PPARG: variants seen among roughly 807,000 people sequenced by gnomAD.
PPARG encodes the protein peroxisome proliferator-activated receptor gamma.
A neutral mutation model predicts 39.2 loss-of-function variants in PPARG; 17 were observed. The observed-to-expected ratio is 0.43, with a 90% confidence interval of 0.30 to 0.65. The LOEUF is 0.65. Ranked by LOEUF, PPARG falls within the 30% of genes least tolerant of loss-of-function variation. The pLI, the probability that PPARG is intolerant of heterozygous loss-of-function variation, is 0.13. For missense variants in PPARG, 406 were observed against 585.9 expected (o/e 0.69, Z 3.17); for synonymous variants, 223 against 215.7 (o/e 1.03, Z -0.30).
chr3:12,402,017 A>G (rs142551967), intron 5 of PPARG, among the ~76,000 whole-genome samples: 26 of 152,326 alleles, frequency 1.7e-4, no homozygotes, highest in African/African-American at 5.8e-4. Flanking sequence ...GTAAGTGGCT[A>G]TCTTTGGCTG....
intron 5 of PPARG, among the ~76,000 whole-genome samples, chr3:12,393,490 G>A (rs1205617603): frequency 3.3e-5 from 5 of 152,002 alleles, no homozygotes; most frequent in Admixed American, 2.6e-4. Flanking sequence ...GAAGACAAAC[G>A]TGTTTGAAAA....
At chr3:12,429,738 A>T (rs1211624627) in intron 7 of PPARG, among the ~76,000 whole-genome samples, 2 of 152,074 alleles carry the variant, frequency 1.3e-5, no homozygotes, top group Non-Finnish European at 2.9e-5. Context: ...ACATTCATCA[A>T]GCAGGAGGAT....
At chr3:12,387,328 T>C (rs1204794423) in intron 4 of PPARG, among the ~76,000 whole-genome samples, 1 of 152,228 alleles carries the variant, frequency 6.6e-6, no homozygotes, top group Non-Finnish European at 1.5e-5. Context: ...TAATTTACAC[T>C]TCCACCAACA....
chr3:12,351,546 G>T, intron 2 of PPARG: 1 of 1,413,820 alleles, frequency 7.1e-7, no homozygotes, highest in Non-Finnish European at 1.0e-6. Flanking sequence ...GCTAGATAGA[G>T]ACAAAATATC....
At chr3:12,365,370 C>CT (rs993837804) in intron 2 of PPARG, among the ~76,000 whole-genome samples, 15 of 152,046 alleles carry the variant, frequency 9.9e-5, no homozygotes, top group East Asian at 3.8e-4. Context: ...ACAGAGCAGA[C>CT]TTTTTTTATT....
chr3:12,408,352 G>T (rs564963989), intron 6 of PPARG, among the ~76,000 whole-genome samples: 4 of 152,132 alleles, frequency 2.6e-5, no homozygotes, highest in Non-Finnish European at 5.9e-5. Context: ...ACATGCACAG[G>T]ACTGCACAAC....
At chr3:12,367,703 T>C (rs970475716) in intron 2 of PPARG, among the ~76,000 whole-genome samples, 1 of 147,824 alleles carries the variant, frequency 6.8e-6, no homozygotes, top group African/African-American at 2.5e-5. Context: ...AAAATAAAAA[T>C]AAAAAAATAA....
intron 1 of PPARG, among the ~76,000 whole-genome samples, chr3:12,308,478 A>G (rs2047139311): frequency 6.6e-6 from 1 of 152,082 alleles, no homozygotes; most frequent in African/African-American, 2.4e-5. Flanking sequence ...CTGGAGCCAC[A>G]TTGTTAAATT....
intron 2 of PPARG, among the ~76,000 whole-genome samples, chr3:12,344,066 G>A (rs937261556): frequency 6.6e-6 from 1 of 151,500 alleles, no homozygotes; most frequent in Non-Finnish European, 1.5e-5. Flanking sequence ...TCGCCATGTT[G>A]GCCAGGCTGG....
intron 5 of PPARG, among the ~76,000 whole-genome samples, chr3:12,398,723 G>T (rs1021061804): frequency 6.6e-6 from 1 of 152,178 alleles, no homozygotes; most frequent in Non-Finnish European, 1.5e-5. Context: ...GGCGGAGATG[G>T]TCACCAGAAT....
At chr3:12,375,859 T>C (rs893890181) in intron 2 of PPARG, among the ~76,000 whole-genome samples, 1 of 152,150 alleles carries the variant, frequency 6.6e-6, no homozygotes, top group East Asian at 1.9e-4. Context: ...TTTATGTAGA[T>C]AGACATGTGA....
chr3:12,372,529 T>C (rs951286168), intron 2 of PPARG, among the ~76,000 whole-genome samples: 2 of 152,230 alleles, frequency 1.3e-5, no homozygotes, highest in Non-Finnish European at 2.9e-5. Context: ...GGCGTAGTAC[T>C]TTGCACAGAT....
intron 4 of PPARG, among the ~76,000 whole-genome samples, chr3:12,387,565 G>A (rs543346764): frequency 1.7e-4 from 26 of 151,974 alleles, no homozygotes; most frequent in Non-Finnish European, 8.8e-5. Flanking sequence ...TTTTGATGGG[G>A]TTGTTTTTTT....
chr3:12,321,640 T>C (rs948354890), intron 2 of PPARG, among the ~76,000 whole-genome samples: 3 of 152,196 alleles, frequency 2.0e-5, no homozygotes, highest in Admixed American at 6.5e-5. Flanking sequence ...TCCATAGTTA[T>C]ATTTCATCCC....
intron 2 of PPARG, among the ~76,000 whole-genome samples, chr3:12,323,457 G>C (rs2047602653): frequency 1.3e-5 from 2 of 151,028 alleles, no homozygotes; most frequent in Admixed American, 6.6e-5. Flanking sequence ...CATGCCAAAG[G>C]AGGGGACTTT....
chr3:12,403,845 A>T (rs186390604), intron 5 of PPARG, among the ~76,000 whole-genome samples: 1 of 152,340 alleles, frequency 6.6e-6, no homozygotes, highest in East Asian at 1.9e-4. Context: ...TGTATTTCAA[A>T]ATACAGTAGA....
intron 2 of PPARG, among the ~76,000 whole-genome samples, chr3:12,364,894 CTTA>C (rs1319084279): frequency 2.0e-5 from 3 of 152,092 alleles, no homozygotes; most frequent in African/African-American, 7.2e-5. Context: ...TATTCACTTT[CTTA>C]TTATTGAGTT....
chr3:12,388,696 C>A (rs2049966141), intron 4 of PPARG, among the ~76,000 whole-genome samples: 1 of 152,110 alleles, frequency 6.6e-6, no homozygotes, highest in Non-Finnish European at 1.5e-5. Flanking sequence ...TACAGACTCC[C>A]TGCTCTTCCC....
chr3:12,335,033 T>C (rs1340162442), intron 2 of PPARG, among the ~76,000 whole-genome samples: 1 of 152,218 alleles, frequency 6.6e-6, no homozygotes, highest in Non-Finnish European at 1.5e-5. Context: ...TTGGGAGTAA[T>C]AGAAATTACT....
Sources: allele counts gnomAD v4.1 joint callset (sites outside exome capture counted in the v4.1 genomes callset), GRCh38; gene constraint gnomAD v4.1.1; transcripts MANE v1.5; gene names NCBI Gene and HGNC (gene_info 2026-07-23, HGNC 2026-07-21).